The following GRID2 variants were observed in gnomAD, a reference collection of about 807,000 sequenced individuals.
GRID2 encodes the protein glutamate ionotropic receptor delta type subunit 2.
In GRID2, 33 loss-of-function variants were observed where a neutral mutation model predicts 114.8. That is an observed-to-expected ratio of 0.29 (90% CI 0.22 to 0.38). GRID2 has a LOEUF of 0.38. GRID2 is among the 10% of genes least tolerant of loss of function. The pLI is 1.00. For missense variants in GRID2, 1,184 were observed against 1,257.7 expected, an observed-to-expected ratio of 0.94 and a Z score of 0.89; for synonymous variants, 505 against 449.9, an observed-to-expected ratio of 1.12 and a Z score of -1.55.
At chr4:92,705,671 C>A (rs1734919317) in intron 2 of GRID2, among the ~76,000 whole-genome samples, 2 of 152,182 alleles carry the variant, frequency 1.3e-5, no homozygotes, top group Admixed American at 6.5e-5. Flanking sequence ...TTTCATAATG[C>A]CTCTTTCTTG....
chr4:93,111,934 T>A (rs1560891317), intron 4 of GRID2: 1 of 152,092 alleles, frequency 6.6e-6, no homozygotes. Flanking sequence ...AAACTGTCAG[T>A]AATATAAAAT....
Position 93,216,850 on chromosome 4 carries a change from G to A in GRID2, c.902G>A (p.Gly301Asp), listed in dbSNP as rs772686060. 8.4e-5 allele frequency: 135 copies of A among 1,612,928 alleles called. No individual in the cohort carries two copies. Among genetic ancestry groups the A allele is most frequent in the Non-Finnish European group, 1.0e-4 (119 of 1,179,136 alleles). ...AACATAAGTCAGCGGTGTTTCCGTG[G>A]CAACCATCGAATATCTTCAACATTG... ...PQNISQRCFRGNHRISSTLCD... is the reference protein window; with the variant it reads ...PQNISQRCFRDNHRISSTLCD... Residue 301 changes from glycine to aspartate, a missense_variant, in exon 6 of 16, where the codon GGC (glycine) becomes GAC (aspartate). Around this residue, in one of 3 missense-constraint regions of GRID2, gnomAD observed 455 missense variants for 429.5 expected, o/e 1.06. Coordinates refer to ENST00000282020, the MANE Select transcript of GRID2 (RefSeq NM_001510.4).
intron 2 of GRID2, among the ~76,000 whole-genome samples, chr4:92,777,735 GAAAA>G (rs766420473): frequency 8.8e-6 from 1 of 113,290 alleles, no homozygotes; most frequent in African/African-American, 3.2e-5. Context: ...CATGTGCACA[GAAAA>G]AAAAAAAAAA....
At chr4:92,750,415 T>C (rs1206812688) in intron 2 of GRID2, among the ~76,000 whole-genome samples, 1 of 152,230 alleles carries the variant, frequency 6.6e-6, no homozygotes, top group Non-Finnish European at 1.5e-5. Context: ...ATTCAACATT[T>C]GTGAATGAAA....
At chr4:93,605,913 G>A (rs1033870473) in intron 13 of GRID2, among the ~76,000 whole-genome samples, 11 of 152,196 alleles carry the variant, frequency 7.2e-5, no homozygotes, top group Non-Finnish European at 1.3e-4. Flanking sequence ...TTAGGAATAA[G>A]TGACATCTAA....
chr4:93,315,590 T>C (rs1756494281), intron 8 of GRID2, among the ~76,000 whole-genome samples: 1 of 152,160 alleles, frequency 6.6e-6, no homozygotes, highest in African/African-American at 2.4e-5. Context: ...ACCTCCACCA[T>C]GTAATCTCTC....
chr4:93,288,524 A>G (rs2149140333), intron 8 of GRID2, among the ~76,000 whole-genome samples: 1 of 152,258 alleles, frequency 6.6e-6, no homozygotes, highest in Non-Finnish European at 1.5e-5. Flanking sequence ...TTGCAGGAGA[A>G]ATGGAGTCTA....
intron 4 of GRID2, among the ~76,000 whole-genome samples, chr4:93,139,526 C>G (rs76492251): frequency 6.6e-6 from 1 of 152,250 alleles, no homozygotes; most frequent in Non-Finnish European, 1.5e-5. Context: ...TAGTTAGAAA[C>G]TTCCTCCTTT....
chr4:93,415,225 G>A (rs1184230049), intron 9 of GRID2, among the ~76,000 whole-genome samples: 1 of 152,028 alleles, frequency 6.6e-6, no homozygotes, highest in Non-Finnish European at 1.5e-5. Flanking sequence ...GCTGCAATAT[G>A]TTATATCTCG....
At chr4:92,712,471 CTATT>C (rs1735304512) in intron 2 of GRID2, among the ~76,000 whole-genome samples, 1 of 152,046 alleles carries the variant, frequency 6.6e-6, no homozygotes, top group African/African-American at 2.4e-5. Flanking sequence ...CTCCAAGTTG[CTATT>C]TATTATGCTG....
intron 8 of GRID2, among the ~76,000 whole-genome samples, chr4:93,296,247 T>C (rs1376508120): frequency 6.6e-6 from 1 of 152,132 alleles, no homozygotes; most frequent in East Asian, 1.9e-4. Context: ...GTATATCAAA[T>C]CTCATCTACC....
intron 4 of GRID2, among the ~76,000 whole-genome samples, chr4:93,147,497 A>T (rs1736374613): frequency 6.6e-6 from 1 of 152,206 alleles, no homozygotes; most frequent in Non-Finnish European, 1.5e-5. Flanking sequence ...TACTCATGGA[A>T]AAACAGAAAT....
intron 8 of GRID2, among the ~76,000 whole-genome samples, chr4:93,374,245 A>G (rs1253899698): frequency 6.6e-6 from 1 of 152,210 alleles, no homozygotes; most frequent in Admixed American, 6.5e-5. Flanking sequence ...TCAGGTTGCA[A>G]TCAGTATGGC....
chr4:93,295,501 G>T (rs1754196191), intron 8 of GRID2, among the ~76,000 whole-genome samples: 1 of 152,128 alleles, frequency 6.6e-6, no homozygotes. Context: ...TCTGAAATCT[G>T]CAGGGCAGGC....
intron 14 of GRID2, among the ~76,000 whole-genome samples, chr4:93,741,187 A>G (rs1278963803): frequency 3.1e-5 from 1 of 32,694 alleles, no homozygotes; most frequent in South Asian, 1.2e-3. Flanking sequence ...ATATATATAT[A>G]TATATATATA....
At chr4:92,503,679 C>T (rs533055157) in intron 1 of GRID2, among the ~76,000 whole-genome samples, 1 of 152,110 alleles carries the variant, frequency 6.6e-6, no homozygotes, top group Non-Finnish European at 1.5e-5. Flanking sequence ...TTCCTTCCCA[C>T]TGAACATACA....
At chr4:92,374,055 G>A (rs571281953) in intron 1 of GRID2, among the ~76,000 whole-genome samples, 77 of 152,006 alleles carry the variant, frequency 5.1e-4, no homozygotes, top group African/African-American at 1.6e-3. Flanking sequence ...CACCCCAACC[G>A]TCTAAATGGA....
intron 8 of GRID2, among the ~76,000 whole-genome samples, chr4:93,341,410 C>T (rs927968372): frequency 6.6e-5 from 10 of 152,058 alleles, no homozygotes; most frequent in African/African-American, 2.4e-4. Context: ...CTGCAACCTC[C>T]ACCTCCTGGG....
chr4:92,341,156 T>C (rs1037740391), intron 1 of GRID2, among the ~76,000 whole-genome samples: 1 of 152,196 alleles, frequency 6.6e-6, no homozygotes, highest in African/African-American at 2.4e-5. Flanking sequence ...CTGCCCTTTT[T>C]TATTTAATAT....
Sources: allele counts gnomAD v4.1 joint callset (sites outside exome capture counted in the v4.1 genomes callset), GRCh38; gene constraint gnomAD v4.1.1; regional missense constraint gnomAD v4.1.1; transcripts MANE v1.5; gene names NCBI Gene and HGNC (gene_info 2026-07-23, HGNC 2026-07-21).